Variants in ZFAT observed in about 807,000 individuals in gnomAD.
ZFAT encodes zinc finger and AT-hook domain containing.
In ZFAT, 64 loss-of-function variants were observed where a neutral mutation model predicts 117.7. The ratio of observed to expected loss-of-function variants is 0.54; its 90% CI spans 0.44 to 0.67. ZFAT has a LOEUF of 0.67. Among genes scored for constraint, ZFAT ranks in the 30% least tolerant of loss-of-function variants. The probability of loss-of-function intolerance (pLI) is 0.00; values close to 1 mark genes in which losing one functional copy is unlikely to be tolerated. For synonymous variants in ZFAT, 679 were observed against 615.0 expected, an observed-to-expected ratio of 1.10 and a Z score of -1.54; for missense variants, 1,433 against 1,584.5, an observed-to-expected ratio of 0.90 and a Z score of 1.62.
At chr8:134,497,171 T>G (rs1032133303) in intron 15 of ZFAT, among the ~76,000 whole-genome samples, 1 of 151,720 alleles carries the variant, frequency 6.6e-6, no homozygotes, top group African/African-American at 2.4e-5. Context: ...TGGTGGGCGA[T>G]GGAGAGCTTC....
chr8:134,656,856 C>G (rs1443326434), intron 2 of ZFAT, among the ~76,000 whole-genome samples: 2 of 152,206 alleles, frequency 1.3e-5, no homozygotes, highest in East Asian at 3.8e-4. Context: ...GACCTAATTA[C>G]AGTGCCTGGA....
chr8:134,499,783 G>A (rs970243679), intron 15 of ZFAT, among the ~76,000 whole-genome samples: 2 of 152,256 alleles, frequency 1.3e-5, no homozygotes, highest in Admixed American at 6.5e-5. Context: ...AAGGCGGTAA[G>A]GCCGGGGGCC....
chr8:134,508,862 T>C (rs991986643), intron 15 of ZFAT, among the ~76,000 whole-genome samples: 3 of 152,360 alleles, frequency 2.0e-5, no homozygotes, highest in South Asian at 4.1e-4. Context: ...CTCTGTGAAC[T>C]TGAACTTTGA....
intron 7 of ZFAT, chr8:134,598,931 G>A (rs1827180861): frequency 6.6e-6 from 1 of 152,206 alleles, no homozygotes; most frequent in Non-Finnish European, 1.5e-5. Flanking sequence ...GGGAGCCAGG[G>A]TGAAAACCCA....
intron 11 of ZFAT, among the ~76,000 whole-genome samples, chr8:134,548,665 G>A (rs1822885381): frequency 6.6e-6 from 1 of 152,216 alleles, no homozygotes; most frequent in South Asian, 2.1e-4. Flanking sequence ...AAAAATAGGA[G>A]GAGAGGGACT....
intron 7 of ZFAT, among the ~76,000 whole-genome samples, chr8:134,595,573 T>TA (rs1826864601): frequency 6.6e-6 from 1 of 152,320 alleles, no homozygotes; most frequent in East Asian, 1.9e-4. Flanking sequence ...CTCATCCTAC[T>TA]AAAATCGTCT....
the ZFAT span, among the ~76,000 whole-genome samples, chr8:134,749,354 T>C: frequency 2.4e-3 from 369 of 152,308 alleles, 2 homozygotes; most frequent in African/African-American, 8.5e-3. Context: ...AATTTATTGC[T>C]CATGGTTCTG....
intron 1 of ZFAT, among the ~76,000 whole-genome samples, chr8:134,686,790 C>A (rs1245715490): frequency 1.3e-5 from 2 of 152,168 alleles, no homozygotes; most frequent in Non-Finnish European, 2.9e-5. Flanking sequence ...GAGGGGTACC[C>A]ACCTTGTCAG....
At chr8:134,667,269 G>A (rs941697922) in intron 1 of ZFAT, among the ~76,000 whole-genome samples, 5 of 152,040 alleles carry the variant, frequency 3.3e-5, no homozygotes, top group Admixed American at 6.6e-5. Flanking sequence ...CGAGATGGGC[G>A]GATCAGAGGT....
chr8:134,734,674 A>G, the ZFAT span, among the ~76,000 whole-genome samples: 3 of 152,124 alleles, frequency 2.0e-5, no homozygotes, highest in Non-Finnish European at 4.4e-5. Flanking sequence ...GTGAGTTGAG[A>G]GGAGAGCTGT....
the ZFAT span, among the ~76,000 whole-genome samples, chr8:134,817,432 CACACA>C: frequency 6.4e-5 from 8 of 124,658 alleles, no homozygotes; most frequent in South Asian, 7.3e-4. Flanking sequence ...CACACACACA[CACACA>C]ACGCACCCTT....
rs1457516814 is a variant in ZFAT, at chr8:134,637,763, G to A, written c.197-51C>T. 2.5e-6 allele frequency: 4 copies of A among 1,585,000 alleles called. No homozygotes were observed. The Admixed American group carries it at 6.9e-5, about 27-fold the overall frequency. ...TGGAATCACGTGAGACGGCAGTGCAGGGTTCACAATCACCCTCCAAGTGTG... is the reference window on the plus strand; with the variant it reads ...TGGAATCACGTGAGACGGCAGTGCAAGGTTCACAATCACCCTCCAAGTGTG... On this transcript the variant is annotated intron_variant, in intron 2 of 15. Coordinates refer to ENST00000377838, the MANE Select transcript of ZFAT (RefSeq NM_020863.4).
the ZFAT span, among the ~76,000 whole-genome samples, chr8:134,773,349 C>T: frequency 1.6e-4 from 25 of 152,290 alleles, no homozygotes; most frequent in East Asian, 7.7e-4. Flanking sequence ...ACTGCTCAGA[C>T]GAAAGATTCT....
chr8:134,594,057 G>A (rs1826732991), intron 7 of ZFAT, among the ~76,000 whole-genome samples: 1 of 152,216 alleles, frequency 6.6e-6, no homozygotes, highest in African/African-American at 2.4e-5. Flanking sequence ...TTCAACTCAA[G>A]GGTTTTCCTT....
chr8:134,585,067 G>A (rs1241832043), intron 9 of ZFAT, among the ~76,000 whole-genome samples: 1 of 152,136 alleles, frequency 6.6e-6, no homozygotes, highest in African/African-American at 2.4e-5. Context: ...CAGGCTGTGT[G>A]CCCTTGAACT....
the ZFAT span, among the ~76,000 whole-genome samples, chr8:134,744,839 C>T: frequency 6.7e-6 from 1 of 148,734 alleles, no homozygotes; most frequent in Non-Finnish European, 1.5e-5. Flanking sequence ...ATGCCATTCT[C>T]CTGCCTCAGC....
At chr8:134,659,803 G>A (rs1390624944) in intron 1 of ZFAT, among the ~76,000 whole-genome samples, 4 of 152,234 alleles carry the variant, frequency 2.6e-5, no homozygotes, top group African/African-American at 9.6e-5. Flanking sequence ...CAGCCTTGCT[G>A]GCATGAAGGT....
intron 7 of ZFAT, among the ~76,000 whole-genome samples, chr8:134,590,801 C>T (rs919448965): frequency 1.1e-5 from 1 of 94,562 alleles, no homozygotes; most frequent in African/African-American, 3.7e-5. Context: ...CCATCACCAC[C>T]ACCACCACCA....
the ZFAT span, among the ~76,000 whole-genome samples, chr8:134,759,229 C>T: frequency 6.6e-6 from 1 of 152,174 alleles, no homozygotes; most frequent in East Asian, 1.9e-4. Flanking sequence ...ACCCTCACAA[C>T]GGACCTGGGA....
Sources: gnomAD v4.1 joint callset for allele counts (sites outside exome capture counted in the v4.1 genomes callset) on GRCh38, gnomAD v4.1.1 for gene constraint, MANE v1.5 for transcripts, NCBI Gene and HGNC (gene_info 2026-07-23, HGNC 2026-07-21) for gene names.